PCDH9: variants seen among roughly 807,000 people sequenced by gnomAD.
The protein encoded by PCDH9 is protocadherin 9.
PCDH9 carries 24 observed loss-of-function variants against 70.6 expected under a neutral mutation model. The observed-to-expected ratio is 0.34, with a 90% confidence interval of 0.25 to 0.48. The LOEUF is 0.48. Ranked by LOEUF, PCDH9 falls within the 20% of genes least tolerant of loss-of-function variation. The pLI is 0.99. For synonymous variants in PCDH9, 562 were observed against 558.5 expected (o/e 1.01, Z -0.09); for missense variants, 1,281 against 1,503.6 (o/e 0.85, Z 2.45).
chr13:66,901,799 C>A (rs570812751), intron 3 of PCDH9, among the ~76,000 whole-genome samples: 3 of 151,626 alleles, frequency 2.0e-5, no homozygotes, highest in African/African-American at 7.2e-5. Context: ...ACGAAAAATA[C>A]GAAAATCTCC....
intron 3 of PCDH9, among the ~76,000 whole-genome samples, chr13:66,757,995 T>C (rs958559122): frequency 6.6e-5 from 10 of 152,020 alleles, no homozygotes. Context: ...TTAATGAACA[T>C]ACAAATAATC....
rs890187322 is a variant in PCDH9, at chr13:67,119,029, C to A, written c.3036+106376G>T. On this transcript the variant is annotated intron_variant, in intron 2 of 4. Coordinates refer to ENST00000377865, the MANE Select transcript of PCDH9 (RefSeq NM_203487.3). Reference sequence around the variant, plus strand: ...GGTGGTTTATAACGGTGAATTAAAGCACAAACTGTGTAAGATCATGTTTAG... The same window carrying A: ...GGTGGTTTATAACGGTGAATTAAAGAACAAACTGTGTAAGATCATGTTTAG... Among the ~76,000 whole-genome samples the A allele has an allele frequency of 4.6e-5, 7 of 152,164 alleles. No homozygotes were observed. The East Asian group carries it at 1.4e-3, about 29-fold the overall frequency.
At position 66,435,393 on chromosome 13, in the gene PCDH9, G is replaced by A. The variant is rs375256169; in HGVS notation, c.3341-130365C>T. 2.0e-5 allele frequency among the ~76,000 whole-genome samples: 3 copies of A among 152,172 alleles called. No homozygotes were observed. The South Asian group carries it at 6.2e-4, about 32-fold the overall frequency. The stretch of plus-strand genomic sequence containing the variant: ...GCATATAAATTAGTTATTAAATGGA[G>A]ACTACCAGGGTTTTATCAAAGCTAG... On this transcript the variant is annotated intron_variant, in intron 4 of 4. Coordinates refer to ENST00000377865, the MANE Select transcript of PCDH9 (RefSeq NM_203487.3).
chr13:66,698,376 A>G (rs2078591695), intron 3 of PCDH9, among the ~76,000 whole-genome samples: 2 of 152,220 alleles, frequency 1.3e-5, no homozygotes, highest in Admixed American at 6.5e-5. Flanking sequence ...ATTGAGAGCC[A>G]CTGCTCTAAA....
chr13:67,079,713 T>A (rs2085946884), intron 2 of PCDH9, among the ~76,000 whole-genome samples: 1 of 152,156 alleles, frequency 6.6e-6, no homozygotes, highest in African/African-American at 2.4e-5. Flanking sequence ...CTTTCTAGAC[T>A]TTTTCAGATC....
chr13:66,676,810 T>C (rs1442686528), intron 3 of PCDH9, among the ~76,000 whole-genome samples: 2 of 152,136 alleles, frequency 1.3e-5, no homozygotes, highest in African/African-American at 4.8e-5. Context: ...GTGCAGATCA[T>C]GTGTCTCCTA....
At chr13:66,611,520 T>C (rs1332411979) in intron 4 of PCDH9, among the ~76,000 whole-genome samples, 1 of 152,182 alleles carries the variant, frequency 6.6e-6, no homozygotes, top group Non-Finnish European at 1.5e-5. Context: ...TATTCAAAGC[T>C]GTTTTTCAGC....
chr13:66,919,146 C>T (rs149037644), intron 2 of PCDH9, among the ~76,000 whole-genome samples: 88 of 151,262 alleles, frequency 5.8e-4, no homozygotes, highest in African/African-American at 2.1e-3. Context: ...TAGTATTTCT[C>T]TGGGGAACTT....
At chr13:66,682,246 T>C (rs1267883469) in intron 3 of PCDH9, among the ~76,000 whole-genome samples, 1 of 152,050 alleles carries the variant, frequency 6.6e-6, no homozygotes, top group Admixed American at 6.6e-5. Flanking sequence ...TGTGGCCCTT[T>C]AGAGGGCCCA....
chr13:66,690,543 T>C (rs1382549507), intron 3 of PCDH9, among the ~76,000 whole-genome samples: 2 of 152,006 alleles, frequency 1.3e-5, no homozygotes, highest in Non-Finnish European at 2.9e-5. Context: ...CAAGGTTTAG[T>C]ACAGAATAAA....
intron 3 of PCDH9, among the ~76,000 whole-genome samples, chr13:66,761,699 T>A (rs775234818): frequency 2.0e-5 from 3 of 152,194 alleles, no homozygotes; most frequent in Non-Finnish European, 4.4e-5. Flanking sequence ...TTTTCATCTC[T>A]AAGATTTCTG....
At chr13:66,341,276 T>G (rs984673386) in intron 4 of PCDH9, among the ~76,000 whole-genome samples, 4 of 152,084 alleles carry the variant, frequency 2.6e-5, no homozygotes, top group African/African-American at 9.7e-5. Flanking sequence ...AGTTTTTTTG[T>G]AGAGACCAGG....
intron 3 of PCDH9, among the ~76,000 whole-genome samples, chr13:66,662,315 A>T (rs2078021738): frequency 6.6e-6 from 1 of 152,068 alleles, no homozygotes; most frequent in Non-Finnish European, 1.5e-5. Flanking sequence ...TCTACTAAAA[A>T]TACAAAAATT....
At chr13:66,535,916 T>G (rs1960682844) in intron 4 of PCDH9, among the ~76,000 whole-genome samples, 1 of 152,012 alleles carries the variant, frequency 6.6e-6, no homozygotes, top group Admixed American at 6.6e-5. Context: ...TGATGCTAGT[T>G]ACCAGAAGTA....
At chr13:66,508,956 A>C (rs1959326306) in intron 4 of PCDH9, among the ~76,000 whole-genome samples, 1 of 152,244 alleles carries the variant, frequency 6.6e-6, no homozygotes, top group African/African-American at 2.4e-5. Context: ...GATGTTGTGA[A>C]GACTGACTAA....
In PCDH9 at chr13:66,640,180, C is replaced by T. The variant is rs188546488; in HGVS notation, c.3139-8769G>A. Among the ~76,000 whole-genome samples, 158 of 152,248 alleles carry T rather than the reference C, an allele frequency of 1.0e-3. 2 individuals carry two copies. The highest frequency in any genetic ancestry group is 3.6e-3 in the African/African-American group (149 of 41,552). ...ATATAGACATCACAGATACAACATA[C>T]GGTTTTAGAAAAAGGAGGCTTTACT... On this transcript the variant is annotated intron_variant, in intron 3 of 4. Coordinates refer to ENST00000377865, the MANE Select transcript of PCDH9 (RefSeq NM_203487.3).
chr13:66,340,699 T>C (rs1956110153), intron 4 of PCDH9, among the ~76,000 whole-genome samples: 1 of 152,224 alleles, frequency 6.6e-6, no homozygotes, highest in Admixed American at 6.6e-5. Flanking sequence ...ATAAAAACTC[T>C]AGCCACAGGC....
chr13:66,621,962 G>A lies in PCDH9; in HGVS notation c.3340+9248C>T, dbSNP rs569021513. On this transcript the variant is annotated intron_variant, in intron 4 of 4. Transcript: ENST00000377865. ...GAGGTGTGGAGGAAGAAGCGCCAGC[G>A]GGAACCGGGGCTGCGCGTGGGGCTT... Among the ~76,000 whole-genome samples the A allele has an allele frequency of 5.8e-3, 880 of 152,346 alleles. 5 individuals carry two copies. The highest frequency in any genetic ancestry group is 9.9e-3 in the Non-Finnish European group (676 of 68,024).
intron 2 of PCDH9, among the ~76,000 whole-genome samples, chr13:67,160,402 C>G (rs1300079662): frequency 6.6e-6 from 1 of 151,998 alleles, no homozygotes; most frequent in African/African-American, 2.4e-5. Context: ...AAAAAATTAG[C>G]CGGGCGTGGT....
Sources: allele counts gnomAD v4.1 joint callset (sites outside exome capture counted in the v4.1 genomes callset), GRCh38; gene constraint gnomAD v4.1.1; transcripts MANE v1.5; gene names NCBI Gene and HGNC (gene_info 2026-07-23, HGNC 2026-07-21).